PRKAR2A: variants seen among roughly 807,000 people sequenced by gnomAD.
The protein encoded by PRKAR2A is cAMP-dependent protein kinase type II-alpha regulatory subunit.
Under a neutral mutation model 51.9 loss-of-function variants are expected in PRKAR2A, and 29 were observed. The ratio of observed to expected loss-of-function variants is 0.56; its 90% CI spans 0.42 to 0.76. The LOEUF (loss-of-function observed/expected upper bound fraction) is 0.76. PRKAR2A is among the 30% of genes least tolerant of loss of function. PRKAR2A has a pLI of 0.00. For missense variants in PRKAR2A, 445 were observed against 512.1 expected (o/e 0.87, Z 1.26); for synonymous variants, 178 against 186.2 (o/e 0.96, Z 0.36).
intron 5 of PRKAR2A, among the ~76,000 whole-genome samples, chr3:48,781,090 C>G (rs538671320): frequency 1.8e-4 from 28 of 151,732 alleles, no homozygotes; most frequent in South Asian, 1.7e-3. Flanking sequence ...CCTGCCTCAG[C>G]CTTCCAAGTA....
intron 4 of PRKAR2A, among the ~76,000 whole-genome samples, chr3:48,787,349 C>A (rs534813938): frequency 9.2e-5 from 14 of 152,084 alleles, no homozygotes; most frequent in African/African-American, 3.1e-4. Context: ...CCAAGCCTGG[C>A]TAATTTTTGT....
intron 2 of PRKAR2A, among the ~76,000 whole-genome samples, chr3:48,805,619 C>G (rs2082666932): frequency 6.6e-6 from 1 of 152,134 alleles, no homozygotes; most frequent in Admixed American, 6.5e-5. Flanking sequence ...GTATGGGCCT[C>G]ACTCAAAGTG....
At chr3:48,834,511 G>C (rs1391054008) in intron 1 of PRKAR2A, among the ~76,000 whole-genome samples, 1 of 152,142 alleles carries the variant, frequency 6.6e-6, no homozygotes, top group East Asian at 1.9e-4. Context: ...GAGGCAGATG[G>C]ATCACTTGAG....
At chr3:48,801,900 GTATT>G (rs968763657) in intron 2 of PRKAR2A, among the ~76,000 whole-genome samples, 13 of 151,312 alleles carry the variant, frequency 8.6e-5, no homozygotes, top group African/African-American at 2.7e-4. Flanking sequence ...CTAACTTTGT[GTATT>G]TATTTATTTA....
intron 1 of PRKAR2A, among the ~76,000 whole-genome samples, chr3:48,808,268 T>A (rs528522373): frequency 2.4e-4 from 36 of 151,834 alleles, no homozygotes; most frequent in African/African-American, 7.7e-4. Flanking sequence ...TTTTGTTTTG[T>A]TTTGAGACGG....
At chr3:48,789,363 A>G (rs953547570) in intron 4 of PRKAR2A, among the ~76,000 whole-genome samples, 1 of 152,174 alleles carries the variant, frequency 6.6e-6, no homozygotes, top group Non-Finnish European at 1.5e-5. Flanking sequence ...TGCCTTTTCC[A>G]TCTTAACCAA....
chr3:48,752,309 T>C lies in PRKAR2A; in HGVS notation c.948A>G (p.Ser316=). 1.2e-6 allele frequency: 2 copies of C among 1,613,742 alleles called. No homozygotes were observed. The highest frequency in any genetic ancestry group is 2.2e-5 in the East Asian group (1 of 44,888). The change falls in exon 10 of 11, where the codon TCA becomes TCG. Residue 316 remains serine (S), a synonymous_variant. Coordinates refer to ENST00000265563, the MANE Select transcript of PRKAR2A (RefSeq NM_004157.4). ...VSILIRSRTK[S]NKDGGNQEVE... is the part of the protein sequence containing the mutation. Reference sequence around the variant, plus strand: ...CCTCCTGGTTCCCACCATCCTTGTTTGATTTAGTCTACAGCAGGCAAAGAA... The same window carrying C: ...CCTCCTGGTTCCCACCATCCTTGTTCGATTTAGTCTACAGCAGGCAAAGAA...
intron 1 of PRKAR2A, among the ~76,000 whole-genome samples, chr3:48,830,728 A>T (rs2083173763): frequency 6.6e-6 from 1 of 152,170 alleles, no homozygotes; most frequent in African/African-American, 2.4e-5. Context: ...TGAAATAATT[A>T]TACAACTCAC....
chr3:48,756,186 G>C (rs1383247351), intron 9 of PRKAR2A, among the ~76,000 whole-genome samples, 193 bp downstream of exon 9: 5 of 152,198 alleles, frequency 3.3e-5, no homozygotes, highest in Admixed American at 2.6e-4. Context: ...GCAAGAATAA[G>C]AATATGCTAA....
intron 1 of PRKAR2A, among the ~76,000 whole-genome samples, chr3:48,829,806 C>T (rs2083150206): frequency 8.6e-6 from 1 of 116,398 alleles, no homozygotes. Context: ...CGTATATATA[C>T]ATATATATGT....
At chr3:48,795,612 C>T (rs767643185) in intron 2 of PRKAR2A, among the ~76,000 whole-genome samples, 2 of 152,218 alleles carry the variant, frequency 1.3e-5, no homozygotes, top group Non-Finnish European at 2.9e-5. Flanking sequence ...TCTTGGCCCA[C>T]TGCAACCTCC....
chr3:48,835,613 C>A (rs897629817), intron 1 of PRKAR2A, among the ~76,000 whole-genome samples: 10 of 144,466 alleles, frequency 6.9e-5, no homozygotes, highest in African/African-American at 2.6e-4. Flanking sequence ...GCACTCCAGC[C>A]TGGGGGACAG....
intron 1 of PRKAR2A, among the ~76,000 whole-genome samples, chr3:48,841,465 A>T (rs1484725436): frequency 6.7e-6 from 1 of 149,062 alleles, no homozygotes; most frequent in African/African-American, 2.5e-5. Flanking sequence ...GAATTGCTTG[A>T]ACCAGAAGGC....
intron 10 of PRKAR2A, 96 bp from the exon 11 acceptor site, chr3:48,751,814 T>C (rs982713547): frequency 8.4e-6 from 12 of 1,435,126 alleles, no homozygotes; most frequent in Non-Finnish European, 1.1e-5. Context: ...TTGTATGAGA[T>C]TACGCCTTGG....
chr3:48,802,688 G>A (rs1022175271), intron 2 of PRKAR2A, among the ~76,000 whole-genome samples: 1 of 152,122 alleles, frequency 6.6e-6, no homozygotes, highest in African/African-American at 2.4e-5. Flanking sequence ...GGGTGACACA[G>A]CCAGACTCAG....
In PRKAR2A at chr3:48,747,041, C is replaced by CTTTTTT. The variant is rs11358464; in HGVS notation, c.*4538_*4543dup. 2 of 88,370 alleles carry CTTTTTT rather than the reference C, an allele frequency of 2.3e-5. No individual in the cohort carries two copies. Among genetic ancestry groups the CTTTTTT allele is most frequent in the African/African-American group, 8.8e-5 (2 of 22,742 alleles). The allele number at this position is 88,370 out of a possible 1,614,324, so 5.5% of individuals were successfully genotyped here. A position where few individuals can be genotyped will look rare whatever the true frequency, so the allele number is the denominator to read the frequency against. On this transcript the variant is annotated 3_prime_UTR_variant, in exon 11 of 11. Coordinates refer to ENST00000265563, the MANE Select transcript of PRKAR2A (RefSeq NM_004157.4). Reference sequence around the variant, plus strand: ...CATGAGGTTAGTGACAGTTCTTGTCCTTTTTTTTTTTTTTTTTTTTTTTTT... The same window carrying CTTTTTT: ...CATGAGGTTAGTGACAGTTCTTGTCCTTTTTTTTTTTTTTTTTTTTTTTTTTTTTTT...
intron 4 of PRKAR2A, among the ~76,000 whole-genome samples, chr3:48,789,667 T>C (rs1221288074): frequency 6.6e-6 from 1 of 151,840 alleles, no homozygotes; most frequent in Non-Finnish European, 1.5e-5. Context: ...ATTTTTGTAT[T>C]TTTAGTAGAG....
At chr3:48,808,033 T>C in intron 1 of PRKAR2A, among the ~76,000 whole-genome samples, 1 of 150,978 alleles carries the variant, frequency 6.6e-6, no homozygotes, top group South Asian at 2.1e-4. Context: ...TGAAATTTTC[T>C]TTTTTTCTTT....
chr3:48,758,891 T>G (rs2081818170), intron 8 of PRKAR2A, among the ~76,000 whole-genome samples: 1 of 152,130 alleles, frequency 6.6e-6, no homozygotes, highest in South Asian at 2.1e-4. Flanking sequence ...GTAGCGTGAG[T>G]AGTTGGTAGA....
Sources: allele counts gnomAD v4.1 joint callset (sites outside exome capture counted in the v4.1 genomes callset), GRCh38; gene constraint gnomAD v4.1.1; transcripts MANE v1.5; gene names NCBI Gene and HGNC (gene_info 2026-07-23, HGNC 2026-07-21).